The following CD99 variants were observed in gnomAD, a reference collection of about 807,000 sequenced individuals.
The protein encoded by CD99 is CD99 antigen.
In CD99, 19 loss-of-function variants were observed where a neutral mutation model predicts 28.4. That is an observed-to-expected ratio of 0.67 (90% CI 0.47 to 0.98). The LOEUF (loss-of-function observed/expected upper bound fraction) is 0.98, where lower values mean the gene tolerates loss of function less well. CD99 is among the 50% of genes least tolerant of loss of function. CD99 has a pLI of 0.00. For missense variants in CD99, 283 were observed against 248.8 expected (o/e 1.14, Z -0.92); for synonymous variants, 103 against 92.1 (o/e 1.12, Z -0.67).
chrX:2,728,594 G>A (rs185134592), intron 8 of CD99, among the ~76,000 whole-genome samples: 21 of 152,198 alleles, frequency 1.4e-4, no homozygotes, highest in Middle Eastern at 3.4e-3. Context: ...TTAGAATCAC[G>A]TTGGAAAAAA....
intron 8 of CD99, among the ~76,000 whole-genome samples, chrX:2,732,007 G>T (rs1388636030): frequency 1.3e-5 from 2 of 151,720 alleles, no homozygotes; most frequent in African/African-American, 4.8e-5. Context: ...GTGGCTCCCA[G>T]CTAATTTTTT....
intron 1 of CD99, among the ~76,000 whole-genome samples, chrX:2,699,206 G>A (rs982021419): frequency 6.7e-5 from 10 of 149,632 alleles, no homozygotes; most frequent in Admixed American, 6.7e-5. Context: ...GTCTTGCTGT[G>A]TTGCCCAGGC....
At chrX:2,691,481 T>G in intron 1 of CD99, 54 bp downstream of exon 1, 2 of 1,534,412 alleles carry the variant, frequency 1.3e-6, no homozygotes, top group Non-Finnish European at 1.8e-6. Context: ...GGGCCGGGAC[T>G]GGGGATCCGC....
chrX:2,691,385 C>G lies in CD99; in HGVS notation c.25C>G (p.Leu9Val). MARGAALALLLFGLLGVLV... is the reference protein window; with the variant it reads MARGAALAVLLFGLLGVLV... ...CATGGCCCGCGGGGCTGCGCTGGCG[C>G]TGCTGCTCTTCGGCCTGCTGGGTGT... The change falls in exon 1 of 10, where the codon CTG (leucine) becomes GTG (valine). Residue 9 changes from leucine (L) to valine (V), a missense_variant. Leu to Val is a conservative substitution (Grantham distance 32). Coordinates refer to ENST00000381192, the MANE Select transcript of CD99 (RefSeq NM_002414.5). 1 of 1,581,386 alleles carries G rather than the reference C, an allele frequency of 6.3e-7. No individual in the cohort carries two copies. The highest frequency in any genetic ancestry group is 1.1e-5 in the South Asian group (1 of 88,550).
intron 6 of CD99, 77 bp downstream of exon 6, chrX:2,722,751 G>A (rs1159464367): frequency 1.5e-6 from 2 of 1,358,992 alleles, no homozygotes; most frequent in East Asian, 4.6e-5. Context: ...TCACTACAGG[G>A]TCTAAACTGT....
At chrX:2,727,159 C>G in intron 8 of CD99, 1 of 694,346 alleles carries the variant, frequency 1.4e-6, no homozygotes, top group Non-Finnish European at 2.7e-6. Context: ...AAAACAAAAA[C>G]CAGCACAGCG....
At chrX:2,728,650 A>G (rs2049424249) in intron 8 of CD99, among the ~76,000 whole-genome samples, 1 of 152,170 alleles carries the variant, frequency 6.6e-6, no homozygotes, top group Admixed American at 6.5e-5. Context: ...TTCTAGAAGT[A>G]GCGGAGGGGT....
At chrX:2,691,485 G>A (rs1391059263) in intron 1 of CD99, 58 bp downstream of exon 1, 8 of 1,527,830 alleles carry the variant, frequency 5.2e-6, no homozygotes, top group East Asian at 2.4e-5. Flanking sequence ...CGGGACTGGG[G>A]ATCCGCTTGA....
At chrX:2,722,697 C>T (rs756932717) in intron 6 of CD99, 23 bp downstream of exon 6, 3 of 1,612,308 alleles carry the variant, frequency 1.9e-6, no homozygotes, top group Non-Finnish European at 1.7e-6. Flanking sequence ...TGTTTTCTGT[C>T]TCTTTTCTCT....
At chrX:2,693,014 T>A (rs2124447761) in intron 1 of CD99, among the ~76,000 whole-genome samples, 1 of 152,218 alleles carries the variant, frequency 6.6e-6, no homozygotes, top group South Asian at 2.1e-4. Flanking sequence ...CTTGGCTGGA[T>A]TTTGAAGCCC....
chrX:2,723,393 TCTC>T, intron 7 of CD99, 29 bp downstream of exon 7: 1 of 1,612,704 alleles, frequency 6.2e-7, no homozygotes, highest in Non-Finnish European at 8.5e-7. Context: ...TGTCTTCTTG[TCTC>T]TCCCACGTGG....
At chrX:2,721,701 T>C (rs2049000411) in intron 5 of CD99, among the ~76,000 whole-genome samples, 1 of 152,244 alleles carries the variant, frequency 6.6e-6, no homozygotes, top group Non-Finnish European at 1.5e-5. Context: ...TGAACATTTT[T>C]TCATGTCATG....
intron 3 of CD99, 159 bp from the exon 4 acceptor site, chrX:2,719,502 T>C: frequency 1.4e-6 from 1 of 690,862 alleles, no homozygotes; most frequent in Admixed American, 2.3e-5. Flanking sequence ...GTAAAAATGG[T>C]CAGGAATTCA....
chrX:2,691,477 GGACT>G (rs1569421131), intron 1 of CD99, 50 bp downstream of exon 1: 1 of 1,541,532 alleles, frequency 6.5e-7, no homozygotes, highest in South Asian at 1.2e-5. Flanking sequence ...GCGCGGGCCG[GGACT>G]GGGGATCCGC....
At chrX:2,711,277 C>T (rs1027027955) in intron 1 of CD99, among the ~76,000 whole-genome samples, 12 of 145,710 alleles carry the variant, frequency 8.2e-5, no homozygotes, top group East Asian at 3.9e-4. Flanking sequence ...ATATATAATT[C>T]GTATATATAG....
chrX:2,711,619 A>G (rs767618313), intron 1 of CD99, among the ~76,000 whole-genome samples: 20 of 152,288 alleles, frequency 1.3e-4, no homozygotes, highest in Admixed American at 1.1e-3. Flanking sequence ...TACATTCACT[A>G]AAAGCCATTC....
At chrX:2,694,081 G>T (rs1427009676) in intron 1 of CD99, among the ~76,000 whole-genome samples, 1 of 152,144 alleles carries the variant, frequency 6.6e-6, no homozygotes, top group Non-Finnish European at 1.5e-5. Flanking sequence ...GGAGCCTGCC[G>T]TCCCGACAGT....
chrX:2,728,867 C>T (rs1226827041), intron 8 of CD99, among the ~76,000 whole-genome samples: 2 of 137,516 alleles, frequency 1.5e-5, no homozygotes, highest in Non-Finnish European at 1.5e-5. Context: ...GACGGAGTCT[C>T]GCTCTATCGC....
chrX:2,723,515 T>G (rs1216060084), intron 7 of CD99, 151 bp downstream of exon 7: 2 of 844,658 alleles, frequency 2.4e-6, no homozygotes, highest in Admixed American at 4.0e-5. Flanking sequence ...TGCTCCCAAG[T>G]GATGTAGCTG....
Sources: allele counts gnomAD v4.1 joint callset (sites outside exome capture counted in the v4.1 genomes callset), GRCh38; gene constraint gnomAD v4.1.1; transcripts MANE v1.5; gene names NCBI Gene and HGNC (gene_info 2026-07-23, HGNC 2026-07-21).